The following RGS22 variants were observed in gnomAD, a reference collection of about 807,000 sequenced individuals.
RGS22 encodes the protein regulator of G protein signaling 22.
In RGS22, 148 loss-of-function variants were observed where a neutral mutation model predicts 172.9. That is an observed-to-expected ratio of 0.86 (90% CI 0.75 to 0.98). RGS22 has a LOEUF of 0.98. Ranked by LOEUF, RGS22 falls within the 50% of genes least tolerant of loss-of-function variation. RGS22 has a pLI of 0.00. For synonymous variants in RGS22, 458 were observed against 480.2 expected, an observed-to-expected ratio of 0.95 and a Z score of 0.60; for missense variants, 1,347 against 1,440.8, an observed-to-expected ratio of 0.93 and a Z score of 1.05.
Position 100,006,008 on chromosome 8 carries a change from T to C in RGS22, c.2454+9A>G, listed in dbSNP as rs764118234. ...AAAGTTTGTTTTTCTAAGTAGAAAG[T>C]TGCCTTACCTCAGCTTTCTTGGAAA... On this transcript the variant is annotated intron_variant, in intron 16 of 27. Transcript: ENST00000360863. 16 of 1,609,378 alleles carry C rather than the reference T, an allele frequency of 9.9e-6. No homozygotes were observed. The highest frequency in any genetic ancestry group is 1.3e-5 in the African/African-American group (1 of 74,734).
intron 2 of RGS22, among the ~76,000 whole-genome samples, chr8:100,103,920 C>CA (rs1813699593): frequency 6.6e-6 from 1 of 152,180 alleles, no homozygotes; most frequent in Non-Finnish European, 1.5e-5. Flanking sequence ...TAGTCTTCAG[C>CA]AGCATGGGAA....
intron 2 of RGS22, among the ~76,000 whole-genome samples, chr8:100,097,720 T>C (rs1037161473): frequency 6.6e-6 from 1 of 152,238 alleles, no homozygotes; most frequent in Non-Finnish European, 1.5e-5. Context: ...CCTGGTTATC[T>C]GACCATCTTC....
chr8:99,962,848 T>C (rs1810359730), intron 25 of RGS22, 37 bp downstream of exon 25: 2 of 1,579,548 alleles, frequency 1.3e-6, no homozygotes, highest in Non-Finnish European at 8.6e-7. Context: ...TGATAAAAGA[T>C]AAAAAAGTAA....
intron 14 of RGS22, among the ~76,000 whole-genome samples, chr8:100,013,492 T>C (rs995908348): frequency 5.3e-5 from 8 of 152,206 alleles, no homozygotes; most frequent in African/African-American, 1.9e-4. Context: ...TGAGATTATC[T>C]ACGTGTGATT....
At chr8:100,074,431 A>G (rs1233894344) in intron 4 of RGS22, among the ~76,000 whole-genome samples, 2 of 152,030 alleles carry the variant, frequency 1.3e-5, no homozygotes, top group Non-Finnish European at 2.9e-5. Flanking sequence ...GTAGTCAGCA[A>G]CTCCCTCCAA....
intron 19 of RGS22, among the ~76,000 whole-genome samples, chr8:99,997,781 T>C (rs946413922): frequency 4.6e-5 from 7 of 152,148 alleles, no homozygotes; most frequent in Non-Finnish European, 1.0e-4. Context: ...ATACTTCTTA[T>C]AAAATAAAAA....
At chr8:100,002,709 C>A (rs1815228358) in intron 17 of RGS22, among the ~76,000 whole-genome samples, 1 of 152,138 alleles carries the variant, frequency 6.6e-6, no homozygotes. Flanking sequence ...TGTCATTCGA[C>A]AAAAGGTCAA....
At position 100,062,526 on chromosome 8, in the gene RGS22, A is replaced by G. The variant is rs115110496; in HGVS notation, c.1514+65T>C. On this transcript the variant is annotated intron_variant, in intron 9 of 27. Transcript: ENST00000360863. ...CATAAGTTATATATCCGTAAGACAAAAAAAGTATAACTCATAACTGGCGTA... is the reference window on the plus strand; with the variant it reads ...CATAAGTTATATATCCGTAAGACAAGAAAAGTATAACTCATAACTGGCGTA... The G allele has an allele frequency of 1.8e-3, 2,034 of 1,114,216 alleles. 32 individuals carry two copies. In the African/African-American group the frequency reaches 0.029, roughly 16 times the overall value. The allele number at this position is 1,114,216 out of a possible 1,614,324, so 69.0% of individuals were successfully genotyped here.
At chr8:99,999,691 T>C (rs2131317112) in intron 18 of RGS22, among the ~76,000 whole-genome samples, 1 of 152,320 alleles carries the variant, frequency 6.6e-6, no homozygotes, top group South Asian at 2.1e-4. Context: ...TTTTATCCTG[T>C]GTGACCACAG....
chr8:100,002,129 G>A, intron 18 of RGS22, 73 bp downstream of exon 18: 4 of 1,190,314 alleles, frequency 3.4e-6, no homozygotes, highest in Non-Finnish European at 4.7e-6. Flanking sequence ...AGACTTTCAG[G>A]TTGTTGGCAA....
chr8:99,999,570 A>G (rs1042596166), intron 18 of RGS22, 150 bp from the exon 19 acceptor site: 2 of 688,768 alleles, frequency 2.9e-6, no homozygotes, highest in Non-Finnish European at 4.7e-6. Flanking sequence ...GGCTATACTG[A>G]GCAATAATTC....
chr8:99,964,115 A>G (rs1414249142), intron 24 of RGS22, among the ~76,000 whole-genome samples: 7 of 152,092 alleles, frequency 4.6e-5, no homozygotes, highest in Non-Finnish European at 1.0e-4. Flanking sequence ...GGCTCAAAGG[A>G]AATTATGTGA....
intron 8 of RGS22, 85 bp downstream of exon 8, chr8:100,063,331 T>G (rs1454881896): frequency 1.1e-6 from 1 of 936,370 alleles, no homozygotes; most frequent in Non-Finnish European, 1.5e-6. Flanking sequence ...AAATTTACTT[T>G]GGGCTTTCTC....
intron 22 of RGS22, among the ~76,000 whole-genome samples, chr8:99,979,336 C>G (rs1359069077): frequency 6.6e-6 from 1 of 152,058 alleles, no homozygotes; most frequent in Non-Finnish European, 1.5e-5. Flanking sequence ...CCAATTAAGA[C>G]ACAATTTTTC....
chr8:100,083,540 G>A (rs1305419560), intron 3 of RGS22, among the ~76,000 whole-genome samples: 1 of 151,940 alleles, frequency 6.6e-6, no homozygotes. Context: ...GCTAATTTTT[G>A]TATTTTTAGT....
intron 4 of RGS22, 58 bp downstream of exon 4, chr8:100,080,076 T>C: frequency 2.4e-6 from 3 of 1,228,684 alleles, no homozygotes; most frequent in African/African-American, 1.5e-5. Flanking sequence ...AGTAAACTCA[T>C]GTTAATTTCA....
chr8:100,080,420 G>C, intron 3 of RGS22, 65 bp from the exon 4 acceptor site: 1 of 1,207,278 alleles, frequency 8.3e-7, no homozygotes, highest in East Asian at 2.5e-5. Flanking sequence ...TCTCTAAGAA[G>C]ACTTGTGGTT....
chr8:100,043,789 C>T (rs1448769269), intron 11 of RGS22, among the ~76,000 whole-genome samples: 3 of 150,744 alleles, frequency 2.0e-5, no homozygotes, highest in Non-Finnish European at 3.0e-5. Flanking sequence ...AAACAAAAAA[C>T]AAAACAAAAC....
At chr8:100,036,892 C>T (rs920596521) in intron 14 of RGS22, among the ~76,000 whole-genome samples, 1 of 152,164 alleles carries the variant, frequency 6.6e-6, no homozygotes, top group Non-Finnish European at 1.5e-5. Flanking sequence ...AGCTAACACG[C>T]CTGGCCCATA....
Sources: allele counts gnomAD v4.1 joint callset (sites outside exome capture counted in the v4.1 genomes callset), GRCh38; gene constraint gnomAD v4.1.1; transcripts MANE v1.5; gene names NCBI Gene and HGNC (gene_info 2026-07-23, HGNC 2026-07-21).